Variants in THRB observed in about 807,000 individuals in gnomAD.
THRB encodes nuclear receptor subfamily 1 group A member 2.
A neutral mutation model predicts 47.8 loss-of-function variants in THRB; 12 were observed. The ratio of observed to expected loss-of-function variants is 0.25; its 90% CI spans 0.16 to 0.41. The LOEUF is 0.41. Among genes scored for constraint, THRB ranks in the 10% least tolerant of loss-of-function variants. The probability of loss-of-function intolerance (pLI) is 1.00; values close to 1 mark genes in which losing one functional copy is unlikely to be tolerated. For synonymous variants in THRB, 218 were observed against 212.2 expected, an observed-to-expected ratio of 1.03 and a Z score of -0.24; for missense variants, 348 against 589.2, an observed-to-expected ratio of 0.59 and a Z score of 4.24.
intron 1 of THRB, among the ~76,000 whole-genome samples, chr3:24,381,753 C>T (rs531702789): frequency 2.0e-5 from 3 of 152,014 alleles, no homozygotes; most frequent in Non-Finnish European, 4.4e-5. Flanking sequence ...GAGTCCTCTT[C>T]CCTACTCTCA....
intron 1 of THRB, among the ~76,000 whole-genome samples, chr3:24,454,031 G>T (rs1577686388): frequency 6.6e-6 from 1 of 152,182 alleles, no homozygotes; most frequent in East Asian, 1.9e-4. Context: ...ATGCATTCCA[G>T]GAGGAAATAT....
chr3:24,161,046 G>A (rs190975383), intron 5 of THRB, among the ~76,000 whole-genome samples: 6 of 152,362 alleles, frequency 3.9e-5, no homozygotes, highest in African/African-American at 1.4e-4. Flanking sequence ...AAAGGAAAGA[G>A]CTCACGCTTT....
chr3:24,420,621 A>G (rs544969233), intron 1 of THRB, among the ~76,000 whole-genome samples: 1 of 152,148 alleles, frequency 6.6e-6, no homozygotes, highest in Non-Finnish European at 1.5e-5. Context: ...ACTGATCATT[A>G]GAGAAATTCA....
chr3:24,123,222 T>G, intron 10 of THRB, 97 bp from the exon 11 acceptor site: 7 of 1,555,458 alleles, frequency 4.5e-6, no homozygotes, highest in African/African-American at 1.3e-5. Context: ...CGGGCAGATC[T>G]AGGGTCTTCC....
At chr3:24,215,812 G>GTGTTT (rs2149923213) in intron 4 of THRB, among the ~76,000 whole-genome samples, 1 of 152,264 alleles carries the variant, frequency 6.6e-6, no homozygotes, top group South Asian at 2.1e-4. Flanking sequence ...CACCTCTTAT[G>GTGTTT]TGTTTTGTTT....
intron 5 of THRB, among the ~76,000 whole-genome samples, chr3:24,161,160 T>C (rs1026534864): frequency 4.6e-5 from 7 of 152,262 alleles, no homozygotes; most frequent in African/African-American, 7.2e-5. Flanking sequence ...ACAGTGAATA[T>C]GTTCTGTATT....
chr3:24,403,629 G>C (rs1036634817), intron 1 of THRB, among the ~76,000 whole-genome samples: 4 of 151,888 alleles, frequency 2.6e-5, no homozygotes, highest in Non-Finnish European at 5.9e-5. Flanking sequence ...TATATGTCTC[G>C]CACCATACAA....
At chr3:24,444,780 T>G (rs1360824510) in intron 1 of THRB, among the ~76,000 whole-genome samples, 1 of 152,146 alleles carries the variant, frequency 6.6e-6, no homozygotes, top group Non-Finnish European at 1.5e-5. Flanking sequence ...AGATGGGGTT[T>G]CACCATGTTG....
intron 1 of THRB, among the ~76,000 whole-genome samples, chr3:24,374,998 T>C (rs976070781): frequency 3.1e-4 from 47 of 152,226 alleles, no homozygotes; most frequent in Non-Finnish European, 5.1e-4. Flanking sequence ...TCTCAACAAG[T>C]TATAAACCTG....
chr3:24,397,314 A>G (rs1421667694), intron 1 of THRB, among the ~76,000 whole-genome samples: 1 of 152,152 alleles, frequency 6.6e-6, no homozygotes, highest in Admixed American at 6.5e-5. Context: ...GGGCCCATCA[A>G]AACAAATTAT....
Position 24,305,751 on chromosome 3 carries a change from A to G in THRB, c.-188-8380T>C, listed in dbSNP as rs190640333. On this transcript the variant is annotated intron_variant, in intron 2 of 10. Coordinates refer to ENST00000646209, the MANE Select transcript of THRB (RefSeq NM_001354712.2). Reference sequence around the variant, plus strand: ...TCATTTCCCTCTGTATCTACCACAAAAAGTATTATTATTAGCTCAGTTTTT... The same window carrying G: ...TCATTTCCCTCTGTATCTACCACAAGAAGTATTATTATTAGCTCAGTTTTT... Among the ~76,000 whole-genome samples, 84 of 152,330 alleles carry G rather than the reference A, an allele frequency of 5.5e-4. 1 individual carries two copies. Among genetic ancestry groups the G allele is most frequent in the Non-Finnish European group, 6.0e-4 (41 of 68,044 alleles).
At chr3:24,340,143 T>C (rs886913585) in intron 1 of THRB, among the ~76,000 whole-genome samples, 10 of 152,220 alleles carry the variant, frequency 6.6e-5, no homozygotes, top group African/African-American at 1.9e-4. Context: ...TACTAATATG[T>C]TATTTATAAA....
intron 5 of THRB, among the ~76,000 whole-genome samples, chr3:24,182,696 G>A (rs551376209): frequency 6.6e-6 from 1 of 152,304 alleles, no homozygotes; most frequent in South Asian, 2.1e-4. Flanking sequence ...CTGTGAAAGA[G>A]GGTCCACATT....
chr3:24,168,106 C>G (rs1303306103), intron 5 of THRB, among the ~76,000 whole-genome samples: 1 of 152,134 alleles, frequency 6.6e-6, no homozygotes, highest in African/African-American at 2.4e-5. Flanking sequence ...GAGAACAAAA[C>G]ATTCTGAAAC....
chr3:24,214,745 G>A (rs1188975034), intron 4 of THRB, among the ~76,000 whole-genome samples: 1 of 152,120 alleles, frequency 6.6e-6, no homozygotes, highest in Non-Finnish European at 1.5e-5. Context: ...AACCAGAGAT[G>A]GTCCTCACCA....
chr3:24,307,189 T>C (rs542324857), intron 2 of THRB, among the ~76,000 whole-genome samples: 7 of 152,048 alleles, frequency 4.6e-5, no homozygotes, highest in Admixed American at 3.9e-4. Flanking sequence ...CTGAACACTA[T>C]CTGAAACCAT....
At chr3:24,317,897 A>C (rs1437945834) in intron 2 of THRB, among the ~76,000 whole-genome samples, 1 of 152,044 alleles carries the variant, frequency 6.6e-6, no homozygotes, top group Non-Finnish European at 1.5e-5. Flanking sequence ...TCTCTACTAA[A>C]AATGCAAAAA....
Position 24,225,022 on chromosome 3 carries a change from A to G in THRB, c.22+3916T>C, listed in dbSNP as rs142571557. Reference sequence around the variant, plus strand: ...TATCCATAACACATAAACAGGTTCTACAATTAATGAGAAAAAGACAAAAAC... The same window carrying G: ...TATCCATAACACATAAACAGGTTCTGCAATTAATGAGAAAAAGACAAAAAC... On this transcript the variant is annotated intron_variant, in intron 4 of 10. Coordinates refer to ENST00000646209, the MANE Select transcript of THRB (RefSeq NM_001354712.2). Among the ~76,000 whole-genome samples, 90 of 152,356 alleles carry G rather than the reference A, an allele frequency of 5.9e-4. 2 individuals are homozygous for G. The East Asian group carries it at 0.017, about 29-fold the overall frequency.
chr3:24,165,539 A>G (rs1303968228), intron 5 of THRB: 1 of 568,576 alleles, frequency 1.8e-6, no homozygotes, highest in Non-Finnish European at 3.1e-6. Flanking sequence ...TTACTTTGTA[A>G]TAGCACCTGA....
Sources: gnomAD v4.1 joint callset for allele counts (sites outside exome capture counted in the v4.1 genomes callset) on GRCh38, gnomAD v4.1.1 for gene constraint, MANE v1.5 for transcripts, NCBI Gene and HGNC (gene_info 2026-07-23, HGNC 2026-07-21) for gene names.